WDFY4: variants seen among roughly 807,000 people sequenced by gnomAD.
WDFY4 encodes the protein WD repeat- and FYVE domain-containing protein 4.
WDFY4 carries 169 observed loss-of-function variants against 351.9 expected under a neutral mutation model. That is an observed-to-expected ratio of 0.48 (90% CI 0.42 to 0.55). The LOEUF is 0.55. Ranked by LOEUF, WDFY4 falls within the 20% of genes least tolerant of loss-of-function variation. The pLI is 0.00. For synonymous variants in WDFY4, 1,622 were observed against 1,574.6 expected, an observed-to-expected ratio of 1.03 and a Z score of -0.71; for missense variants, 3,803 against 3,935.6, an observed-to-expected ratio of 0.97 and a Z score of 0.90.
rs558804114 is a variant in WDFY4 at position 48,934,095 on chromosome 10, T to A, written c.7587-7711T>A. Among the ~76,000 whole-genome samples the A allele has an allele frequency of 5.3e-5, 8 of 152,306 alleles. No individual in the cohort carries two copies. The South Asian group carries it at 1.7e-3, about 32-fold the overall frequency. ...ATGTGATCAGAGCAGCTTACAGGCCTGTCACAGCCCTGTCCTCCTAGACGT... is the reference window on the plus strand; with the variant it reads ...ATGTGATCAGAGCAGCTTACAGGCCAGTCACAGCCCTGTCCTCCTAGACGT... On this transcript the variant is annotated intron_variant, in intron 47 of 61. Coordinates refer to ENST00000325239, the MANE Select transcript of WDFY4 (RefSeq NM_001394531.1).
At chr10:48,726,522 C>A (rs1224328907) in intron 6 of WDFY4, among the ~76,000 whole-genome samples, 1 of 152,202 alleles carries the variant, frequency 6.6e-6, no homozygotes, top group Admixed American at 6.5e-5. Context: ...CTGATTCCGG[C>A]ACCCTCATTT....
At chr10:48,873,972 G>A (rs2069890388) in intron 41 of WDFY4, among the ~76,000 whole-genome samples, 1 of 152,166 alleles carries the variant, frequency 6.6e-6, no homozygotes, top group Admixed American at 6.5e-5. Flanking sequence ...CTATGCTGCA[G>A]GCACAGCCCT....
chr10:48,810,683 G>C lies in WDFY4; in HGVS notation c.4992G>C (p.Leu1664=). Residue 1664 remains leucine (L), a synonymous_variant, in exon 29 of 62, where the codon CTG becomes CTC. Coordinates refer to ENST00000325239, the MANE Select transcript of WDFY4 (RefSeq NM_001394531.1). The part of the protein sequence containing the change: ...PSLRTRFRDG[L]CAGSWVERST... Reference sequence around the variant, plus strand: ...TCCGCACACGGTTTAGAGATGGCCTGTGTGCAGGATCCTGGGTGGAACGCA... The same window carrying C: ...TCCGCACACGGTTTAGAGATGGCCTCTGTGCAGGATCCTGGGTGGAACGCA... 3.9e-6 allele frequency: 6 copies of C among 1,551,342 alleles called. No individual in the cohort carries two copies. The highest frequency in any genetic ancestry group is 5.2e-6 in the Non-Finnish European group (6 of 1,146,870).
chr10:48,933,685 G>A (rs879057190), intron 47 of WDFY4, among the ~76,000 whole-genome samples: 4 of 152,168 alleles, frequency 2.6e-5, no homozygotes, highest in African/African-American at 9.7e-5. Flanking sequence ...ATACTAGTAG[G>A]GAGCTCAGAA....
In WDFY4 at chr10:48,877,158, G is replaced by A. The variant is rs1302649425; in HGVS notation, c.7126G>A (p.Glu2376Lys). 1 of 1,551,572 alleles carries A rather than the reference G, an allele frequency of 6.4e-7. No homozygotes were observed. Among genetic ancestry groups the A allele is most frequent in the Non-Finnish European group, 8.7e-7 (1 of 1,146,894 alleles). The change falls in exon 43 of 62, where the codon GAA (glutamate) becomes AAA (lysine). Residue 2376 changes from glutamate to lysine, a missense_variant. This residue lies in a region of WDFY4 where 3,054 missense variants were observed against 3,148.6 expected (regional missense o/e 0.97). Coordinates refer to ENST00000325239, the MANE Select transcript of WDFY4 (RefSeq NM_001394531.1). ...AGAAGACTTCTTGGAACTGTGTCGG[G>A]AAAGACAAGTTATTTTACAAGAGCT... is the stretch of plus-strand genomic sequence containing the variant. ...HSEDFLELCR[E>K]RQVILQELLD...
chr10:48,958,238 CCG>C (rs1301870126), intron 52 of WDFY4, among the ~76,000 whole-genome samples: 7 of 152,194 alleles, frequency 4.6e-5, no homozygotes, highest in Non-Finnish European at 1.0e-4. Context: ...GAGCCAGGCC[CCG>C]TGAGTCTGAC....
rs1490205033 is a variant in WDFY4, at chr10:48,873,706, C to T, written c.6948+9C>T. ...GCTCAGGAAGGCACAAGGTAGGAGTCAGGCGCAGTGGGACAGTGCTGGTTC... is the reference window on the plus strand; with the variant it reads ...GCTCAGGAAGGCACAAGGTAGGAGTTAGGCGCAGTGGGACAGTGCTGGTTC... On this transcript the variant is annotated intron_variant, in intron 41 of 61. Transcript: ENST00000325239. The T allele has an allele frequency of 1.3e-6, 2 of 1,551,408 alleles. No homozygotes were observed. The highest frequency in any genetic ancestry group is 8.7e-7 in the Non-Finnish European group (1 of 1,146,898).
At chr10:48,720,550 A>G (rs2064050012) in intron 3 of WDFY4, among the ~76,000 whole-genome samples, 1 of 151,914 alleles carries the variant, frequency 6.6e-6, no homozygotes, top group Non-Finnish European at 1.5e-5. Context: ...GACTACTCAC[A>G]GAAACTACAC....
chr10:48,767,944 G>T (rs137864778), intron 13 of WDFY4, among the ~76,000 whole-genome samples: 1 of 152,102 alleles, frequency 6.6e-6, no homozygotes, highest in Non-Finnish European at 1.5e-5. Flanking sequence ...GGGAGGTCCC[G>T]GGCAGGCAGG....
At chr10:48,900,378 G>A (rs1279739285) in intron 46 of WDFY4, 72 bp downstream of exon 46, 1 of 1,385,452 alleles carries the variant, frequency 7.2e-7, no homozygotes, top group East Asian at 2.5e-5. Flanking sequence ...AGAACACTCA[G>A]CTCTGTGCTC....
intron 23 of WDFY4, among the ~76,000 whole-genome samples, chr10:48,795,498 T>TATATATATATATATATATATATAC (rs2066829153): frequency 9.6e-6 from 1 of 104,362 alleles, no homozygotes; most frequent in Admixed American, 9.3e-5. Context: ...TCTGTATATA[T>TATATATATATATATATATATATAC]ATATATATAT....
intron 11 of WDFY4, among the ~76,000 whole-genome samples, chr10:48,736,641 G>C (rs776310322): frequency 7.2e-5 from 11 of 152,220 alleles, no homozygotes; most frequent in Non-Finnish European, 1.2e-4. Flanking sequence ...GGGGCTTATA[G>C]TCAATTGTGA....
intron 9 of WDFY4, 39 bp downstream of exon 9, chr10:48,731,601 G>C (rs1055963188): frequency 7.2e-6 from 11 of 1,526,690 alleles, no homozygotes; most frequent in Middle Eastern, 1.8e-4. Flanking sequence ...GCAGGGGTCA[G>C]TGTCAGCCAG....
At chr10:48,959,849 G>C (rs911314621) in intron 53 of WDFY4, 36 bp downstream of exon 53, 1 of 1,521,022 alleles carries the variant, frequency 6.6e-7, no homozygotes, top group Admixed American at 2.1e-5. Flanking sequence ...TCCTGCTGGG[G>C]ACCTGAACAT....
At chr10:48,851,830 C>T (rs1341624945) in intron 39 of WDFY4, among the ~76,000 whole-genome samples, 1 of 152,242 alleles carries the variant, frequency 6.6e-6, no homozygotes, top group South Asian at 2.1e-4. Context: ...AGTGACCCTC[C>T]ATGGAGATGT....
chr10:48,823,615 G>T, intron 35 of WDFY4: 1 of 1,029,294 alleles, frequency 9.7e-7, no homozygotes, highest in Non-Finnish European at 1.2e-6. Flanking sequence ...AATAGCCCTT[G>T]TCAGCTCTGT....
At position 48,912,984 on chromosome 10, in the gene WDFY4, C is replaced by T. The variant is rs180808542; in HGVS notation, c.7586+11121C>T. ...AGATTCCTTGCCTTTGAAGCCCAGA[C>T]CCAAAACATTTCCATTAAATAACTT... is the stretch of plus-strand genomic sequence containing the variant. On this transcript the variant is annotated intron_variant, in intron 47 of 61. Coordinates refer to ENST00000325239, the MANE Select transcript of WDFY4 (RefSeq NM_001394531.1). Among the ~76,000 whole-genome samples, 19 of 152,328 alleles carry T rather than the reference C, an allele frequency of 1.2e-4. No individual in the cohort carries two copies. In the East Asian group the frequency reaches 3.1e-3, roughly 25 times the overall value.
intron 22 of WDFY4, 23 bp downstream of exon 22, chr10:48,790,008 G>T (rs1263798119): frequency 2.6e-6 from 4 of 1,549,938 alleles, no homozygotes; most frequent in Non-Finnish European, 2.6e-6. Context: ...GGGAAGCTTT[G>T]CCGCTATTTG....
intron 22 of WDFY4, 41 bp downstream of exon 22, chr10:48,790,026 G>T (rs756329474): frequency 5.6e-5 from 86 of 1,540,866 alleles, no homozygotes; most frequent in Non-Finnish European, 7.2e-5. Context: ...TTGGGAAGCA[G>T]GGTTTGTGCT....
Sources: gnomAD v4.1 joint callset for allele counts (sites outside exome capture counted in the v4.1 genomes callset) on GRCh38, gnomAD v4.1.1 for gene constraint, gnomAD v4.1.1 regional missense constraint, MANE v1.5 for transcripts, NCBI Gene and HGNC (gene_info 2026-07-23, HGNC 2026-07-21) for gene names.